Variants in SAMMSON observed in about 807,000 individuals in gnomAD.
SAMMSON encodes the protein long intergenic non-protein coding RNA 1212.
chr3:70,237,977 A>ATGTTTTTTTTTTT (rs1251005797), intron 4 of SAMMSON, among the ~76,000 whole-genome samples: 1 of 13,008 alleles, frequency 7.7e-5, no homozygotes, highest in African/African-American at 4.9e-4. Context: ...ATTGAGTGGT[A>ATGTTTTTTTTTTT]TCTTTTTTTT....
chr3:70,078,031 TAACCTTTAGCCCTC>T (rs1157958089), intron 4 of SAMMSON, among the ~76,000 whole-genome samples: 1 of 152,156 alleles, frequency 6.6e-6, no homozygotes, highest in Non-Finnish European at 1.5e-5. Flanking sequence ...TTCACACACT[TAACCTTTAGCCCTC>T]AATGGTAAAC....
intron 7 of SAMMSON, among the ~76,000 whole-genome samples, chr3:70,341,653 C>T (rs963357836): frequency 3.9e-5 from 6 of 152,094 alleles, no homozygotes; most frequent in Non-Finnish European, 8.8e-5. Context: ...TGACTATTCC[C>T]TCCCTCTTGT....
At chr3:70,381,406 G>C (rs1703067120) in intron 9 of SAMMSON, among the ~76,000 whole-genome samples, 1 of 152,202 alleles carries the variant, frequency 6.6e-6, no homozygotes, top group South Asian at 2.1e-4. Context: ...ACGATGGGGT[G>C]AAAGACAAAT....
At chr3:70,200,686 C>T (rs1034672523) in intron 4 of SAMMSON, among the ~76,000 whole-genome samples, 2 of 152,168 alleles carry the variant, frequency 1.3e-5, no homozygotes, top group African/African-American at 2.4e-5. Context: ...TTAGAATCTA[C>T]GTTGCAAGAG....
intron 4 of SAMMSON, among the ~76,000 whole-genome samples, chr3:70,209,783 G>A (rs980076627): frequency 1.3e-5 from 2 of 152,074 alleles, no homozygotes. Context: ...ATACTGTGAT[G>A]TGTCACCTGC....
intron 4 of SAMMSON, among the ~76,000 whole-genome samples, chr3:70,183,174 C>T (rs1478345406): frequency 2.0e-5 from 3 of 152,190 alleles, no homozygotes; most frequent in South Asian, 2.1e-4. Context: ...ATGAAATCCA[C>T]GTTTCAGCAG....
At chr3:70,411,739 G>A (rs150605715) in intron 2 of SAMMSON, among the ~76,000 whole-genome samples, 11 of 152,178 alleles carry the variant, frequency 7.2e-5, no homozygotes, top group Middle Eastern at 3.4e-3. Flanking sequence ...CTTGCCAGCC[G>A]CCATTTAAGA....
At chr3:70,287,319 G>C (rs941067130) in intron 6 of SAMMSON, among the ~76,000 whole-genome samples, 1 of 145,532 alleles carries the variant, frequency 6.9e-6, no homozygotes, top group Non-Finnish European at 1.5e-5. Context: ...AGATAATCAT[G>C]TGGTTTTTGT....
intron 4 of SAMMSON, among the ~76,000 whole-genome samples, chr3:70,159,028 A>G (rs1009384054): frequency 6.6e-6 from 1 of 152,014 alleles, no homozygotes; most frequent in South Asian, 2.1e-4. Context: ...TATACTTTTT[A>G]AAAAATTGAC....
intron 3 of SAMMSON, among the ~76,000 whole-genome samples, chr3:70,056,821 T>C (rs1223359835): frequency 3.3e-5 from 5 of 152,148 alleles, no homozygotes; most frequent in South Asian, 4.1e-4. Context: ...TCAGTCCTTA[T>C]CAGTTGCATA....
chr3:70,281,481 T>C (rs949458831), intron 6 of SAMMSON, among the ~76,000 whole-genome samples: 4 of 152,222 alleles, frequency 2.6e-5, no homozygotes, highest in African/African-American at 4.8e-5. Flanking sequence ...TTGGGTTCTC[T>C]GACATGCATT....
intron 3 of SAMMSON, among the ~76,000 whole-genome samples, chr3:70,042,574 T>A (rs1436116628): frequency 6.6e-6 from 1 of 152,104 alleles, no homozygotes; most frequent in African/African-American, 2.4e-5. Context: ...ACTAGAATCT[T>A]GCCTTATTTT....
At chr3:70,053,763 A>T (rs892527942) in intron 3 of SAMMSON, among the ~76,000 whole-genome samples, 1 of 152,070 alleles carries the variant, frequency 6.6e-6, no homozygotes, top group African/African-American at 2.4e-5. Context: ...TGCATTTCCT[A>T]TGGAACTATT....
At chr3:70,015,711 C>G (rs1264773583) in intron 3 of SAMMSON, among the ~76,000 whole-genome samples, 1 of 152,026 alleles carries the variant, frequency 6.6e-6, no homozygotes, top group Non-Finnish European at 1.5e-5. Context: ...CTATCCCTCC[C>G]CGCTTCCCCA....
chr3:70,329,493 G>A (rs917111314), intron 7 of SAMMSON, among the ~76,000 whole-genome samples: 20 of 151,852 alleles, frequency 1.3e-4, no homozygotes, highest in South Asian at 6.2e-4. Flanking sequence ...GTAAGAATTC[G>A]TGCATGATTA....
At position 70,320,917 on chromosome 3, in the gene SAMMSON, G is replaced by A. The variant is rs147010043; in HGVS notation, n.739+29674G>A. ...TTGTGTCAGTTTCCTTATCTGTAAA[G>A]TGGACATAATAATGGCATCTACTTC... On this transcript the variant is annotated intron_variant and non_coding_transcript_variant, in intron 7 of 9. Transcript: ENST00000642114. Among the ~76,000 whole-genome samples the A allele has an allele frequency of 2.0e-5, 3 of 152,170 alleles. No individual in the cohort carries two copies. The East Asian group carries it at 5.8e-4, about 29-fold the overall frequency.
chr3:70,356,064 A>G (rs187085845), intron 8 of SAMMSON, among the ~76,000 whole-genome samples: 1 of 152,298 alleles, frequency 6.6e-6, no homozygotes, highest in African/African-American at 2.4e-5. Flanking sequence ...CCTTAAGTTT[A>G]TATGAATCTG....
rs1220349060 is a variant in SAMMSON at position 70,047,298 on chromosome 3, G to GTAT, written n.418-24165_418-24163dup. Reference sequence around the variant, plus strand: ...ATAGTAGATGCTCAGCAAATAGTAGGTATTATTATTATTATATAATTTCTC... The same window carrying GTAT: ...ATAGTAGATGCTCAGCAAATAGTAGGTATTATTATTATTATTATATAATTTCTC... On this transcript the variant is annotated intron_variant and non_coding_transcript_variant, in intron 3 of 9. Transcript: ENST00000642114. Among the ~76,000 whole-genome samples, 18 of 151,132 alleles carry GTAT rather than the reference G, an allele frequency of 1.2e-4. No individual in the cohort carries two copies. In the South Asian group the frequency reaches 2.7e-3, roughly 23 times the overall value.
intron 2 of SAMMSON, among the ~76,000 whole-genome samples, chr3:70,418,315 T>C (rs2106772470): frequency 6.6e-6 from 1 of 152,336 alleles, no homozygotes; most frequent in South Asian, 2.1e-4. Flanking sequence ...CCTTTGTGTA[T>C]TCACCACTTC....
Sources: gnomAD v4.1 joint callset for allele counts (sites outside exome capture counted in the v4.1 genomes callset) on GRCh38, gnomAD v4.1.1 for gene constraint, MANE v1.5 for transcripts, NCBI Gene and HGNC (gene_info 2026-07-23, HGNC 2026-07-21) for gene names.